PNPT1: variants seen among roughly 807,000 people sequenced by gnomAD.
PNPT1 encodes the protein polyribonucleotide nucleotidyltransferase 1.
A neutral mutation model predicts 119.5 loss-of-function variants in PNPT1; 53 were observed. That is an observed-to-expected ratio of 0.44 (90% CI 0.36 to 0.56). The LOEUF is 0.56. Ranked by LOEUF, PNPT1 falls within the 20% of genes least tolerant of loss-of-function variation. The pLI is 0.00. For missense variants in PNPT1, 948 were observed against 938.5 expected (o/e 1.01, Z -0.13); for synonymous variants, 357 against 322.1 (o/e 1.11, Z -1.16).
At position 55,635,238 on chromosome 2, in the gene PNPT1, C is replaced by T. The variant is rs1201255394; in HGVS notation, c.*999G>A. 2 of 152,318 alleles carry T rather than the reference C, an allele frequency of 1.3e-5. No individual in the cohort carries two copies. The highest frequency in any genetic ancestry group is 3.9e-4 in the East Asian group (2 of 5,186). The allele number at this position is 152,318 out of a possible 1,614,324, so 9.4% of individuals were successfully genotyped here. A position where few individuals can be genotyped will look rare whatever the true frequency, so the allele number is the denominator to read the frequency against. On this transcript the variant is annotated 3_prime_UTR_variant, in exon 28 of 28. Coordinates refer to ENST00000447944, the MANE Select transcript of PNPT1 (RefSeq NM_033109.5). ...TTAACCGAAAGTCATGATCCTTCAG[C>T]TCTTATACTAAGAACTTCCATACAT...
chr2:55,644,103 C>A (rs986317810), intron 23 of PNPT1, among the ~76,000 whole-genome samples: 1 of 152,002 alleles, frequency 6.6e-6, no homozygotes, highest in South Asian at 2.1e-4. Context: ...CTTACTCTTA[C>A]GAGGGGTGAA....
rs150477887 is a variant in PNPT1, at chr2:55,652,910, C to T, written c.1495+1990G>A. The stretch of plus-strand genomic sequence containing the variant: ...TTACCCAGGCTGGAGTGCAGTGGCA[C>T]GATCTTGGCTCACTGCAGCCTCCGC... On this transcript the variant is annotated intron_variant, in intron 18 of 27. Transcript: ENST00000447944. 4.6e-5 allele frequency among the ~76,000 whole-genome samples: 7 copies of T among 152,336 alleles called. No individual in the cohort carries two copies. In the South Asian group the frequency reaches 8.3e-4, roughly 18 times the overall value.
At position 55,647,357 on chromosome 2, in the gene PNPT1, G is replaced by A; in HGVS notation, c.1592C>T (p.Thr531Ile). The A allele has an allele frequency of 6.2e-7, 1 of 1,604,872 alleles. No homozygotes were observed. Among genetic ancestry groups the A allele is most frequent in the Non-Finnish European group, 8.5e-7 (1 of 1,175,204 alleles). ...KGEIEDYRLL[T>I]DILGIEDYNG... ...CGAGAATATACTTGCCAAAATATCTGTCAGCAAACGATAATCTTCTATTTC... is the reference window on the plus strand; with the variant it reads ...CGAGAATATACTTGCCAAAATATCTATCAGCAAACGATAATCTTCTATTTC... The change falls in exon 19 of 28, where the codon ACA becomes ATA. Residue 531 changes from threonine to isoleucine, a missense_variant. Physicochemically the swap from Thr to Ile is moderately conservative, Grantham distance 89. Coordinates refer to ENST00000447944, the MANE Select transcript of PNPT1 (RefSeq NM_033109.5).
At chr2:55,651,353 G>C (rs1572804065) in intron 18 of PNPT1, among the ~76,000 whole-genome samples, 1 of 152,270 alleles carries the variant, frequency 6.6e-6, no homozygotes, top group East Asian at 1.9e-4. Context: ...GTGGGGAAAA[G>C]ATTGAGAAAT....
In PNPT1 at chr2:55,636,110, T is replaced by G. The variant is rs1237387184; in HGVS notation, c.*127A>C. The G allele has an allele frequency of 1.4e-5, 8 of 580,062 alleles. No individual in the cohort carries two copies. The Admixed American group carries it at 2.0e-4, about 15-fold the overall frequency. 35.9% of individuals were successfully genotyped at this position (580,062 alleles called of 1,614,324 possible). A position where few individuals can be genotyped will look rare whatever the true frequency, so the allele number is the denominator to read the frequency against. ...TGGCACATGTAAATGAGCATTTTAGTACAAATAATTAAAATGTATTTATAT... is the reference window on the plus strand; with the variant it reads ...TGGCACATGTAAATGAGCATTTTAGGACAAATAATTAAAATGTATTTATAT... On this transcript the variant is annotated 3_prime_UTR_variant, in exon 28 of 28. Coordinates refer to ENST00000447944, the MANE Select transcript of PNPT1 (RefSeq NM_033109.5).
chr2:55,644,143 T>A (rs1245269516), intron 23 of PNPT1, among the ~76,000 whole-genome samples: 1 of 152,174 alleles, frequency 6.6e-6, no homozygotes, highest in Non-Finnish European at 1.5e-5. Context: ...ATCACATCAG[T>A]TTCTCAGTGT....
rs147013543 is a variant in PNPT1, at chr2:55,667,942, G to A, written c.993C>T (p.Ala331=). The A allele has an allele frequency of 3.0e-5, 47 of 1,576,414 alleles. 1 individual carries two copies. The highest frequency in any genetic ancestry group is 2.5e-4 in the South Asian group (21 of 84,558). The change falls in exon 12 of 28, where the codon GCC becomes GCT. Residue 331 remains alanine (A), a synonymous_variant. Transcript: ENST00000447944. ...AGGATTCTATTATTTCATATGGATC[G>A]GCTTCTGGAAATTTTTCTATAGAAA... ...EEQLKEKFPE[A]DPYEIIESFN...
rs111248094 is a variant in PNPT1 at position 55,637,241 on chromosome 2, T to G, written c.2196+311A>C. Among the ~76,000 whole-genome samples, 9 of 152,352 alleles carry G rather than the reference T, an allele frequency of 5.9e-5. 1 individual carries two copies. Among genetic ancestry groups the G allele is most frequent in the African/African-American group, 2.2e-4 (9 of 41,576 alleles). ...ATGACATTCAAAGACTTTAACAAGTTACCTTATCACAGTTCTTACGTCAGT... is the reference window on the plus strand; with the variant it reads ...ATGACATTCAAAGACTTTAACAAGTGACCTTATCACAGTTCTTACGTCAGT... On this transcript the variant is annotated intron_variant, in intron 27 of 27. Coordinates refer to ENST00000447944, the MANE Select transcript of PNPT1 (RefSeq NM_033109.5).
At chr2:55,670,339 A>C (rs1696871349) in intron 11 of PNPT1, among the ~76,000 whole-genome samples, 1 of 152,004 alleles carries the variant, frequency 6.6e-6, no homozygotes, top group Admixed American at 6.6e-5. Flanking sequence ...GGTGCCCGCC[A>C]CCACGCCCGG....
At chr2:55,642,274 A>T (rs1394967152) in intron 25 of PNPT1, among the ~76,000 whole-genome samples, 2 of 151,946 alleles carry the variant, frequency 1.3e-5, no homozygotes, top group African/African-American at 4.8e-5. Flanking sequence ...GGGAAAATTA[A>T]TTTGGGGTTT....
At chr2:55,691,867 TATATA>T (rs1205821805) in intron 1 of PNPT1, among the ~76,000 whole-genome samples, 91 of 14,842 alleles carry the variant, frequency 6.1e-3, no homozygotes, top group Non-Finnish European at 0.011. Context: ...TATATATATA[TATATA>T]TATATATTTT....
At position 55,681,182 on chromosome 2, in the gene PNPT1, G is replaced by C. The variant is rs782619; in HGVS notation, c.454-264C>G. Among the ~76,000 whole-genome samples, 67,346 of 151,824 alleles carry C rather than the reference G, an allele frequency of 0.44. 15,736 individuals are homozygous for C. Among genetic ancestry groups the C allele is most frequent in the Non-Finnish European group, 0.51 (34,551 of 67,876 alleles). On this transcript the variant is annotated intron_variant, in intron 5 of 27. Coordinates refer to ENST00000447944, the MANE Select transcript of PNPT1 (RefSeq NM_033109.5). ...AGCACTTTGGGAGGCTGAGGAGGGC[G>C]GATCACCTGAGGTCAAGAGTTTGAG...
intron 5 of PNPT1, 80 bp from the exon 6 acceptor site, chr2:55,680,998 T>C (rs2104157656): frequency 3.5e-6 from 4 of 1,143,420 alleles, no homozygotes; most frequent in Admixed American, 2.0e-5. Flanking sequence ...GAGCACTATA[T>C]GGCTAAAAGC....
rs1695713816 is a variant in PNPT1, at chr2:55,637,575, A to G, written c.2173T>C (p.Leu725=). 6.2e-7 allele frequency: 1 copy of G among 1,605,624 alleles called. No individual in the cohort carries two copies. The highest frequency in any genetic ancestry group is 8.5e-7 in the Non-Finnish European group (1 of 1,172,436). Reference sequence around the variant, plus strand: ...ACCTGAATTTCTTGGCCAACTTCTAATCCTAGGGCAGTAGGATGTTTAATC... The same window carrying G: ...ACCTGAATTTCTTGGCCAACTTCTAGTCCTAGGGCAGTAGGATGTTTAATC... The part of the protein sequence containing the change: ...RKIKHPTALG[L]EVGQEIQVKY... The change falls in exon 27 of 28, where the codon TTA becomes CTA. Residue 725 remains leucine (L), a synonymous_variant. Transcript: ENST00000447944.
chr2:55,660,089 G>A (rs535916899), intron 15 of PNPT1, 68 bp downstream of exon 15: 2 of 1,446,298 alleles, frequency 1.4e-6, no homozygotes, highest in East Asian at 2.6e-5. Context: ...GGACAACAGG[G>A]TGAGACCTCG....
intron 23 of PNPT1, 109 bp from the exon 24 acceptor site, chr2:55,643,534 C>A: frequency 1.1e-6 from 1 of 938,882 alleles, no homozygotes; most frequent in Non-Finnish European, 1.7e-6. Flanking sequence ...CACTTGAGCT[C>A]AGGAGTTCAA....
intron 18 of PNPT1, among the ~76,000 whole-genome samples, chr2:55,650,390 T>C (rs569238873): frequency 8.5e-5 from 13 of 152,150 alleles, no homozygotes; most frequent in Non-Finnish European, 1.6e-4. Context: ...AGTGATCCGC[T>C]AGCCTCGGCA....
chr2:55,672,041 G>GTCT lies in PNPT1; in HGVS notation c.871_872insAGA (p.Ala291delinsGluThr). On this transcript the variant is annotated protein_altering_variant, in exon 10 of 28. Transcript: ENST00000447944. ...AAAAACTGCATAGAGTCTCTCCATA[G>GTCT]CAAGTCTATTTAAGCAGAAAATAAA... The GTCT allele has an allele frequency of 6.3e-7, 1 of 1,595,278 alleles. No homozygotes were observed. The highest frequency in any genetic ancestry group is 8.5e-7 in the Non-Finnish European group (1 of 1,170,906).
rs763665881 is a variant in PNPT1 at position 55,693,781 on chromosome 2, G to C, written c.43C>G (p.Pro15Ala). Residue 15 changes from proline to alanine, a missense_variant, in exon 1 of 28, where the codon CCC (proline) becomes GCC (alanine). Pro to Ala is a conservative substitution (Grantham distance 27, BLOSUM62 -1). Transcript: ENST00000447944. ...RYCCSCLRLR[P>A]LSDGPFLLPR... ...AGAAGGAAAGGACCATCGCTCAGGGGCCGGAGCCGGAGGCACGAGCAGCAG... is the reference window on the plus strand; with the variant it reads ...AGAAGGAAAGGACCATCGCTCAGGGCCCGGAGCCGGAGGCACGAGCAGCAG... 2 of 1,613,922 alleles carry C rather than the reference G, an allele frequency of 1.2e-6. No individual in the cohort carries two copies. The highest frequency in any genetic ancestry group is 2.2e-5 in the East Asian group (1 of 44,898).
Sources: gnomAD v4.1 joint callset for allele counts (sites outside exome capture counted in the v4.1 genomes callset) on GRCh38, gnomAD v4.1.1 for gene constraint, MANE v1.5 for transcripts, NCBI Gene and HGNC (gene_info 2026-07-23, HGNC 2026-07-21) for gene names.